The following PALM2AKAP2 variants were observed in gnomAD, a reference collection of about 807,000 sequenced individuals.
PALM2AKAP2 encodes PALM2 and AKAP2 fusion.
A neutral mutation model predicts 71.5 loss-of-function variants in PALM2AKAP2; 37 were observed. That is an observed-to-expected ratio of 0.52 (90% CI 0.40 to 0.68). The LOEUF is 0.68. PALM2AKAP2 is among the 30% of genes least tolerant of loss of function. The pLI, the probability that PALM2AKAP2 is intolerant of heterozygous loss-of-function variation, is 0.00. For missense variants in PALM2AKAP2, 1,224 were observed against 1,191.8 expected (o/e 1.03, Z -0.40); for synonymous variants, 468 against 478.8 (o/e 0.98, Z 0.29).
intron 6 of PALM2AKAP2, among the ~76,000 whole-genome samples, chr9:110,001,484 C>T (rs1418856421): frequency 2.0e-5 from 3 of 152,194 alleles, no homozygotes; most frequent in Non-Finnish European, 4.4e-5. Context: ...TTAGGATTGA[C>T]TTGGCAATGC....
exon 4 of PALM2AKAP2, chr9:110,170,571 A>G (rs1406905752): frequency 6.6e-6 from 1 of 152,210 alleles, no homozygotes; most frequent in African/African-American, 2.4e-5. Context: ...CAAATAGCAC[A>G]TGGGCAATTG....
chr9:109,641,721 T>G (rs1564098763), intron 1 of PALM2AKAP2, among the ~76,000 whole-genome samples: 1 of 152,178 alleles, frequency 6.6e-6, no homozygotes, highest in Admixed American at 6.5e-5. Context: ...GGTCAGCTTC[T>G]CCTCTTCCGT....
exon 3 of PALM2AKAP2, chr9:109,880,625 G>A (rs1160917981): frequency 6.2e-7 from 1 of 1,613,932 alleles, no homozygotes; most frequent in African/African-American, 1.3e-5. Context: ...AAGCCAGGAG[G>A]CGGCAGTCTG....
At chr9:110,050,789 G>C (rs1009923284) in intron 1 of PALM2AKAP2, among the ~76,000 whole-genome samples, 1 of 151,932 alleles carries the variant, frequency 6.6e-6, no homozygotes, top group African/African-American at 2.4e-5. Context: ...CACCACACCC[G>C]GCTAATTTTT....
intron 1 of PALM2AKAP2, among the ~76,000 whole-genome samples, chr9:109,793,744 C>T (rs1222032318): frequency 6.6e-6 from 1 of 152,180 alleles, no homozygotes; most frequent in African/African-American, 2.4e-5. Context: ...TGAGCAGTGC[C>T]TGGTTTTTAT....
intron 1 of PALM2AKAP2, among the ~76,000 whole-genome samples, chr9:109,673,692 G>C (rs1360997700): frequency 6.6e-6 from 1 of 152,048 alleles, no homozygotes; most frequent in Non-Finnish European, 1.5e-5. Context: ...TATTGTCAGT[G>C]GGGTGTTAAT....
intron 1 of PALM2AKAP2, among the ~76,000 whole-genome samples, chr9:109,804,997 A>G (rs970250565): frequency 2.0e-5 from 3 of 152,182 alleles, no homozygotes; most frequent in Admixed American, 2.0e-4. Flanking sequence ...TTCATTTCAC[A>G]TTTTCATAAA....
chr9:109,790,956 G>A (rs1227129159), intron 1 of PALM2AKAP2, among the ~76,000 whole-genome samples: 2 of 152,208 alleles, frequency 1.3e-5, no homozygotes, highest in African/African-American at 2.4e-5. Flanking sequence ...GTGGTATGCA[G>A]GCAGTCTTGT....
chr9:109,812,137 G>T (rs1827741782), intron 1 of PALM2AKAP2, among the ~76,000 whole-genome samples: 1 of 152,260 alleles, frequency 6.6e-6, no homozygotes. Context: ...GGAGAGGGCA[G>T]CTGGCCATCT....
chr9:109,969,419 C>T (rs72754919), intron 6 of PALM2AKAP2, among the ~76,000 whole-genome samples: 19,237 of 152,294 alleles, frequency 0.13, 1,597 homozygotes, highest in East Asian at 0.25. Flanking sequence ...GTAGCAGTAT[C>T]AGTCTTGGTC....
intron 1 of PALM2AKAP2, among the ~76,000 whole-genome samples, chr9:110,084,707 A>C (rs1275409249): frequency 6.6e-6 from 1 of 152,122 alleles, no homozygotes; most frequent in African/African-American, 2.4e-5. Flanking sequence ...TGTTCACTAC[A>C]CGTGCTACCA....
At chr9:110,155,558 C>T (rs560973573) in intron 2 of PALM2AKAP2, among the ~76,000 whole-genome samples, 36 of 152,270 alleles carry the variant, frequency 2.4e-4, no homozygotes, top group Admixed American at 5.9e-4. Flanking sequence ...CCTGAGGATT[C>T]TTGGAGGACA....
chr9:109,933,721 T>C (rs145189254), intron 6 of PALM2AKAP2, among the ~76,000 whole-genome samples: 1 of 152,276 alleles, frequency 6.6e-6, no homozygotes, highest in Non-Finnish European at 1.5e-5. Flanking sequence ...TTTTTCAAAG[T>C]AATTTTACAT....
chr9:109,728,418 A>G lies in PALM2AKAP2; in HGVS notation c.6-52070A>G, dbSNP rs371095921. Among the ~76,000 whole-genome samples the G allele has an allele frequency of 1.7e-3, 255 of 152,330 alleles. 8 individuals are homozygous for G. The South Asian group carries it at 0.051, about 31-fold the overall frequency. On this transcript the variant is annotated intron_variant, in intron 1 of 6. Transcript: ENST00000374531. ...CTGCAACCATCTTGCTCCTACTTCC[A>G]GGTGGAAAGTGATCACAACACACAG...
intron 1 of PALM2AKAP2, among the ~76,000 whole-genome samples, chr9:109,700,036 A>T (rs1335231018): frequency 6.6e-6 from 1 of 152,146 alleles, no homozygotes; most frequent in Non-Finnish European, 1.5e-5. Flanking sequence ...AGCCTCCCAG[A>T]TTGCTGAGAT....
intron 6 of PALM2AKAP2, among the ~76,000 whole-genome samples, chr9:109,966,485 T>C (rs1831953187): frequency 6.6e-6 from 1 of 152,226 alleles, no homozygotes; most frequent in African/African-American, 2.4e-5. Flanking sequence ...AATGACTTAA[T>C]CTTTCTGTCC....
At chr9:110,035,349 A>ATATTATATGTATAATACATATTATATATG (rs1833370557) in intron 7 of PALM2AKAP2, among the ~76,000 whole-genome samples, 1 of 142,896 alleles carries the variant, frequency 7.0e-6, no homozygotes, top group East Asian at 2.4e-4. Flanking sequence ...TATTATATAT[A>ATATTATATGTATAATACATATTATATATG]TTATATGTAT....
chr9:110,026,649 C>A (rs1257698960), intron 7 of PALM2AKAP2, among the ~76,000 whole-genome samples: 1 of 152,194 alleles, frequency 6.6e-6, no homozygotes, highest in Non-Finnish European at 1.5e-5. Context: ...CTCTCCTACT[C>A]CAGCTCCTGT....
chr9:110,099,966 G>A (rs1026765508), intron 1 of PALM2AKAP2, among the ~76,000 whole-genome samples: 3 of 150,230 alleles, frequency 2.0e-5, no homozygotes, highest in East Asian at 3.9e-4. Context: ...GGGGTGGTCA[G>A]AGGAAAATTA....
Sources: gnomAD v4.1 joint callset for allele counts (sites outside exome capture counted in the v4.1 genomes callset) on GRCh38, gnomAD v4.1.1 for gene constraint, MANE v1.5 for transcripts, NCBI Gene and HGNC (gene_info 2026-07-23, HGNC 2026-07-21) for gene names.